Variants in EP300 observed in about 807,000 individuals in gnomAD.
The protein encoded by EP300 is EP300 lysine acetyltransferase.
EP300 carries 31 observed loss-of-function variants against 264.0 expected under a neutral mutation model. The observed-to-expected ratio is 0.12, with a 90% CI of 0.09 to 0.16. The LOEUF is 0.16. EP300 is among the 10% of genes least tolerant of loss of function. The pLI is 1.00. For missense variants in EP300, 2,766 were observed against 3,052.9 expected (o/e 0.91, Z 2.21); for synonymous variants, 1,340 against 1,045.4 (o/e 1.28, Z -5.44).
At chr22:41,171,040 CT>C (rs1159467162) in intron 27 of EP300, among the ~76,000 whole-genome samples, 7 of 145,058 alleles carry the variant, frequency 4.8e-5, no homozygotes, top group African/African-American at 1.8e-4. Context: ...AATTTGATTG[CT>C]TTTATTTTGT....
At chr22:41,153,419 T>C (rs1196551767) in intron 16 of EP300, among the ~76,000 whole-genome samples, 1 of 152,178 alleles carries the variant, frequency 6.6e-6, no homozygotes, top group East Asian at 1.9e-4. Context: ...TATTGAGGTG[T>C]TTTAATATGG....
At position 41,162,741 on chromosome 22, in the gene EP300, A is replaced by G. The variant is rs772381383; in HGVS notation, c.3690A>G (p.Gln1230=). The G allele has an allele frequency of 9.3e-6, 15 of 1,612,666 alleles. No individual in the cohort carries two copies. The highest frequency in any genetic ancestry group is 1.3e-5 in the African/African-American group (1 of 74,854). The change falls in exon 21 of 31, where the codon CAA becomes CAG. Residue 1230 remains glutamine, a synonymous_variant. Coordinates refer to ENST00000263253, the MANE Select transcript of EP300 (RefSeq NM_001429.4). The part of the protein sequence containing the change: ...SQPQTTINKE[Q]FSKRKNDTLD... ...TCCTTAGTACAATAAATAAAGAACA[A>G]TTTTCCAAGAGAAAAAATGACACAC... is the stretch of plus-strand genomic sequence containing the variant.
At chr22:41,154,910 G>C (rs2145744200) in intron 16 of EP300, 85 bp from the exon 17 acceptor site, 2 of 893,540 alleles carry the variant, frequency 2.2e-6, no homozygotes, top group Non-Finnish European at 3.7e-6. Flanking sequence ...TTCTTGAGAT[G>C]CTTTTAGAGC....
Position 41,172,610 on chromosome 22 carries a change from C to G in EP300, c.4564C>G (p.Gln1522Glu), listed in dbSNP as rs1161955852. ...GGAAGAAAGCATTAAGGAACTGGAA[C>G]AGGAGGAAGAAGAGAGAAAACGAGA... is the stretch of plus-strand genomic sequence containing the variant. Reference protein sequence around the residue: ...VLEESIKELEQEEEERKREEN... With the variant: ...VLEESIKELEEEEEERKREEN... Residue 1522 changes from glutamine (Q) to glutamate (E), a missense_variant, in exon 28 of 31, where the codon CAG becomes GAG. Coordinates refer to ENST00000263253, the MANE Select transcript of EP300 (RefSeq NM_001429.4). The G allele has an allele frequency of 6.2e-6, 10 of 1,613,862 alleles. No homozygotes were observed. The highest frequency in any genetic ancestry group is 8.5e-6 in the Non-Finnish European group (10 of 1,179,944).
At position 41,152,088 on chromosome 22, in the gene EP300, A is replaced by T. The variant is rs1195223039; in HGVS notation, c.2997+76A>T. 4 of 1,594,870 alleles carry T rather than the reference A, an allele frequency of 2.5e-6. No individual in the cohort carries two copies. In the Admixed American group the frequency reaches 6.7e-5, roughly 27 times the overall value. ...ACCCAAGTTTTAAAAAATATTGCAG[A>T]AAAATATTTTGATAATTAGATCTCA... is the stretch of plus-strand genomic sequence containing the variant. On this transcript the variant is annotated intron_variant, in intron 15 of 30. Transcript: ENST00000263253.
chr22:41,168,704 C>A lies in EP300; in HGVS notation c.4026-17C>A, dbSNP rs2294976. On this transcript the variant is annotated splice_polypyrimidine_tract_variant and intron_variant, in intron 24 of 30. Transcript: ENST00000263253. The stretch of plus-strand genomic sequence containing the variant: ...AATGAGTTATGTTGTGGTTCCCCCA[C>A]CATCTCAATTGTATAGGTTTGTGGA... 142,359 of 1,614,098 alleles carry A rather than the reference C, an allele frequency of 0.088. 7,057 individuals are homozygous for A. The highest frequency in any genetic ancestry group is 0.17 in the East Asian group (7,811 of 44,878).
chr22:41,144,257 T>G (rs1200449527), intron 10 of EP300, among the ~76,000 whole-genome samples: 2 of 152,198 alleles, frequency 1.3e-5, no homozygotes, highest in Admixed American at 6.5e-5. Flanking sequence ...GGTTTTTGAT[T>G]ATTTGACTTA....
intron 1 of EP300, among the ~76,000 whole-genome samples, chr22:41,103,113 G>A (rs908316004): frequency 6.6e-6 from 1 of 152,156 alleles, no homozygotes; most frequent in Admixed American, 6.6e-5. Context: ...CCTCCCAAAA[G>A]TGCTGGGATT....
At position 41,111,636 on chromosome 22, in the gene EP300, A is replaced by G. The variant is rs542369629; in HGVS notation, c.95-5551A>G. On this transcript the variant is annotated intron_variant, in intron 1 of 30. Coordinates refer to ENST00000263253, the MANE Select transcript of EP300 (RefSeq NM_001429.4). ...GGGCTCACCACAACCTCTGCCTCCC[A>G]AGTCAAGCGATTCTCCTGCCTCAGC... 1.9e-3 allele frequency among the ~76,000 whole-genome samples: 287 copies of G among 151,776 alleles called. 3 individuals are homozygous for G. The highest frequency in any genetic ancestry group is 3.5e-3 in the Non-Finnish European group (236 of 67,884).
intron 27 of EP300, 52 bp downstream of exon 27, chr22:41,170,623 AATG>A: frequency 7.1e-7 from 1 of 1,401,086 alleles, no homozygotes; most frequent in Non-Finnish European, 1.0e-6. Context: ...GAAATGCACT[AATG>A]TTGCTGCTCT....
In EP300 at chr22:41,173,702, G is replaced by C. The variant is rs773091606; in HGVS notation, c.4697G>C (p.Gly1566Ala). The C allele has an allele frequency of 1.2e-6, 2 of 1,614,160 alleles. No individual in the cohort carries two copies. Among genetic ancestry groups the C allele is most frequent in the Non-Finnish European group, 1.7e-6 (2 of 1,180,030 alleles). ...AAAAATAAGAGCAGCCTGAGTAGGG[G>C]CAACAAGAAGAAACCCGGGATGCCC... is the stretch of plus-strand genomic sequence containing the variant. ...TSKNKSSLSR[G>A]NKKKPGMPNV... The change falls in exon 29 of 31, where the codon GGC (glycine) becomes GCC (alanine). Residue 1566 changes from glycine to alanine, a missense_variant. Transcript: ENST00000263253.
intron 21 of EP300, 151 bp from the exon 22 acceptor site, chr22:41,163,902 C>G (rs1272276897): frequency 1.3e-5 from 10 of 752,642 alleles, no homozygotes; most frequent in Non-Finnish European, 2.1e-5. Flanking sequence ...AACAGAGACC[C>G]TATCTCTAAA....
At chr22:41,175,952 G>C in intron 29 of EP300, 1 of 442,470 alleles carries the variant, frequency 2.3e-6, no homozygotes, top group Middle Eastern at 6.8e-4. Context: ...TGCTGTACCT[G>C]CTCACACCTG....
At position 41,131,363 on chromosome 22, in the gene EP300, A is replaced by G. The variant is rs370799382; in HGVS notation, c.1283-25A>G. On this transcript the variant is annotated intron_variant, in intron 5 of 30. Transcript: ENST00000263253. ...TTTTTCTCACCAGCATTAATTTGTA[A>G]TACTATATCTTTTGTCTTCTCTAGC... 94 of 1,611,962 alleles carry G rather than the reference A, an allele frequency of 5.8e-5. 1 individual carries two copies. Among genetic ancestry groups the G allele is most frequent in the Non-Finnish European group, 8.5e-6 (10 of 1,179,404 alleles).
intron 27 of EP300, among the ~76,000 whole-genome samples, chr22:41,172,035 C>T (rs1466544967): frequency 6.6e-6 from 1 of 152,192 alleles, no homozygotes; most frequent in Non-Finnish European, 1.5e-5. Flanking sequence ...AGCAGCCCAG[C>T]AAATCATTCT....
intron 23 of EP300, among the ~76,000 whole-genome samples, chr22:41,167,170 G>A (rs966183898): frequency 1.3e-5 from 2 of 152,084 alleles, no homozygotes; most frequent in African/African-American, 4.8e-5. Context: ...GCTAATTTTT[G>A]TAATTTATTA....
intron 6 of EP300, among the ~76,000 whole-genome samples, chr22:41,134,003 C>T (rs777405019): frequency 3.9e-5 from 6 of 152,108 alleles, no homozygotes; most frequent in Non-Finnish European, 7.4e-5. Context: ...TTCTTGTATT[C>T]AAGTTTGTAA....
intron 10 of EP300, among the ~76,000 whole-genome samples, chr22:41,141,921 C>T (rs2058984877): frequency 6.6e-6 from 1 of 152,158 alleles, no homozygotes; most frequent in Non-Finnish European, 1.5e-5. Flanking sequence ...AAATGATCCG[C>T]CCACCTTGGC....
In EP300 at chr22:41,127,473, G is replaced by C; in HGVS notation, c.907-14G>C. 6.2e-7 allele frequency: 1 copy of C among 1,613,750 alleles called. No individual in the cohort carries two copies. Among genetic ancestry groups the C allele is most frequent in the Non-Finnish European group, 8.5e-7 (1 of 1,179,942 alleles). On this transcript the variant is annotated splice_polypyrimidine_tract_variant and intron_variant, in intron 3 of 30. Transcript: ENST00000263253. ...TATGACTCCTACCATTAAATATATT[G>C]TTATATCTCTCAGGGTCAACAGCCA...
Sources: allele counts gnomAD v4.1 joint callset (sites outside exome capture counted in the v4.1 genomes callset), GRCh38; gene constraint gnomAD v4.1.1; transcripts MANE v1.5; gene names NCBI Gene and HGNC (gene_info 2026-07-23, HGNC 2026-07-21).